Variants in ANO2 observed in about 807,000 individuals in gnomAD.
The protein encoded by ANO2 is anoctamin-2.
A neutral mutation model predicts 124.2 loss-of-function variants in ANO2; 101 were observed. The observed-to-expected ratio is 0.81, with a 90% confidence interval of 0.69 to 0.96. ANO2 has a LOEUF of 0.96. Among genes scored for constraint, ANO2 ranks in the 40% least tolerant of loss-of-function variants. ANO2 has a pLI of 0.00. For missense variants in ANO2, 1,293 were observed against 1,274.5 expected (o/e 1.01, Z -0.22); for synonymous variants, 486 against 482.5 (o/e 1.01, Z -0.09).
intron 7 of ANO2, among the ~76,000 whole-genome samples, chr12:5,819,397 A>T (rs1427969012): frequency 1.3e-5 from 2 of 152,232 alleles, no homozygotes; most frequent in Non-Finnish European, 2.9e-5. Flanking sequence ...GGTGGAAGGA[A>T]CATAGAGTTG....
intron 18 of ANO2, 22 bp downstream of exon 18, chr12:5,612,879 A>T: frequency 6.2e-7 from 1 of 1,613,816 alleles, no homozygotes; most frequent in South Asian, 1.1e-5. Flanking sequence ...GCCAGGCATG[A>T]AACACCAGTG....
rs531791789 is a variant in ANO2, at chr12:5,826,413, C to T, written c.892+1356G>A. Among the ~76,000 whole-genome samples the T allele has an allele frequency of 4.7e-5, 7 of 147,392 alleles. No homozygotes were observed. The South Asian group carries it at 1.5e-3, about 32-fold the overall frequency. On this transcript the variant is annotated intron_variant, in intron 7 of 24. Coordinates refer to ENST00000682330, the MANE Select transcript of ANO2 (RefSeq NM_001364791.2). Reference sequence around the variant, plus strand: ...TGCCAAAGGAGATTAACATTTGAGTCGGTGGGCTAATGCTTAATAAACTCA... The same window carrying T: ...TGCCAAAGGAGATTAACATTTGAGTTGGTGGGCTAATGCTTAATAAACTCA...
rs900609306 is a variant in ANO2, at chr12:5,635,328, A to G, written c.1640T>C (p.Ile547Thr). 3.8e-6 allele frequency: 6 copies of G among 1,581,544 alleles called. No homozygotes were observed. The African/African-American group carries it at 8.2e-5, about 22-fold the overall frequency. ...ILFMIALTFS[I>T]VFGVIVYRIT... ...TCGATACACTATCACCCCAAAGACG[A>G]TTGAGAATGTCAGGGCAATCTGTTT... Residue 547 changes from isoleucine to threonine, a missense_variant, in exon 16 of 25, where the codon ATC (isoleucine) becomes ACC (threonine). Coordinates refer to ENST00000682330, the MANE Select transcript of ANO2 (RefSeq NM_001364791.2). This position sits in a 1 kb window ranked among gnomAD's most constrained non-coding sequence, Gnocchi z 5.2.
chr12:5,807,958 T>A (rs1490885739), intron 7 of ANO2, among the ~76,000 whole-genome samples: 9 of 152,220 alleles, frequency 5.9e-5, no homozygotes, highest in Non-Finnish European at 1.3e-4. Flanking sequence ...CACTAACGGT[T>A]TCTAACTGCT....
At chr12:5,577,910 A>G (rs1942506342) in intron 22 of ANO2, 45 bp downstream of exon 22, 1 of 1,587,890 alleles carries the variant, frequency 6.3e-7, no homozygotes, top group Non-Finnish European at 8.6e-7. Context: ...GCTTCTCTGG[A>G]AGCCCTTCCC....
At chr12:5,772,892 T>C (rs1041411746) in intron 10 of ANO2, among the ~76,000 whole-genome samples, 11 of 152,244 alleles carry the variant, frequency 7.2e-5, no homozygotes, top group African/African-American at 2.7e-4. Context: ...AAACACGTGC[T>C]GTCAAGAAGG....
chr12:5,852,848 C>CGTGTGTGT (rs71445682), intron 4 of ANO2, among the ~76,000 whole-genome samples: 3,063 of 123,888 alleles, frequency 0.025, 60 homozygotes, highest in African/African-American at 0.033. Flanking sequence ...TGGAAAGGGA[C>CGTGTGTGT]GTGTGTGTGT....
intron 1 of ANO2, among the ~76,000 whole-genome samples, chr12:5,923,062 A>G (rs552057670): frequency 5.2e-5 from 6 of 115,732 alleles, no homozygotes; most frequent in African/African-American, 1.9e-4. Context: ...ACACCCACAT[A>G]CACACACACA....
chr12:5,698,973 A>G (rs1283711238), intron 14 of ANO2, among the ~76,000 whole-genome samples: 2 of 152,240 alleles, frequency 1.3e-5, no homozygotes, highest in African/African-American at 4.8e-5. Flanking sequence ...TGATTGGTGT[A>G]CCTGAAAGTG....
intron 14 of ANO2, among the ~76,000 whole-genome samples, chr12:5,710,789 T>G (rs574188329): frequency 4.6e-5 from 7 of 152,164 alleles, no homozygotes; most frequent in Admixed American, 3.3e-4. Flanking sequence ...GTCATGTTCC[T>G]ATCAATTCTG....
chr12:5,751,096 G>A (rs1951424696), intron 10 of ANO2, 126 bp from the exon 11 acceptor site: 1 of 947,982 alleles, frequency 1.1e-6, no homozygotes, highest in Non-Finnish European at 1.5e-6. Context: ...CGAAAACAAA[G>A]GGATGGAGGT....
chr12:5,607,636 G>A lies in ANO2; in HGVS notation c.2087+5020C>T, dbSNP rs185552038. ...CAGGTGAGTGAGTGAAGCTTCATCT[G>A]TATTTATAGCCACTCTCCATCCTCA... On this transcript the variant is annotated intron_variant, in intron 19 of 24. Transcript: ENST00000682330. Among the ~76,000 whole-genome samples the A allele has an allele frequency of 3.0e-3, 459 of 152,206 alleles. 1 individual carries two copies. Among genetic ancestry groups the A allele is most frequent in the Non-Finnish European group, 4.9e-3 (336 of 68,008 alleles).
At chr12:5,687,984 G>C (rs1373659443) in intron 14 of ANO2, among the ~76,000 whole-genome samples, 1 of 152,106 alleles carries the variant, frequency 6.6e-6, no homozygotes, top group South Asian at 2.1e-4. Context: ...ATATTATAAG[G>C]ACTGCTGAAT....
intron 3 of ANO2, among the ~76,000 whole-genome samples, chr12:5,916,360 G>GA (rs1941374367): frequency 6.6e-6 from 1 of 151,810 alleles, no homozygotes; most frequent in East Asian, 1.9e-4. Context: ...AGAGAAAAAA[G>GA]TAAAAAACAG....
intron 20 of ANO2, among the ~76,000 whole-genome samples, chr12:5,592,750 T>A (rs534104487): frequency 6.6e-6 from 1 of 152,136 alleles, no homozygotes; most frequent in East Asian, 1.9e-4. Context: ...CAAATAAGAA[T>A]CCAAAATTCT....
chr12:5,672,542 C>A (rs1948059887), intron 14 of ANO2, among the ~76,000 whole-genome samples: 2 of 152,138 alleles, frequency 1.3e-5, no homozygotes, highest in Non-Finnish European at 2.9e-5. Context: ...AGAGTGTGGA[C>A]CCATGGAGGT....
chr12:5,603,427 T>C (rs952105730), intron 19 of ANO2, among the ~76,000 whole-genome samples: 5 of 152,238 alleles, frequency 3.3e-5, no homozygotes, highest in African/African-American at 1.2e-4. Context: ...GGAAGAGATG[T>C]GTAAACTAAC....
intron 3 of ANO2, among the ~76,000 whole-genome samples, chr12:5,867,677 T>C (rs1044600475): frequency 1.3e-5 from 2 of 151,100 alleles, no homozygotes; most frequent in East Asian, 3.9e-4. Flanking sequence ...CTTAAAGAAC[T>C]TGGATTATGA....
At chr12:5,642,201 C>T (rs1946422392) in intron 15 of ANO2, among the ~76,000 whole-genome samples, 1 of 152,178 alleles carries the variant, frequency 6.6e-6, no homozygotes, top group Admixed American at 6.5e-5. Context: ...CTCATGCTCC[C>T]AAACTTCAGC....
Sources: gnomAD v4.1 joint callset for allele counts (sites outside exome capture counted in the v4.1 genomes callset) on GRCh38, gnomAD v4.1.1 for gene constraint, Gnocchi (gnomAD v3.1) non-coding constraint, MANE v1.5 for transcripts, NCBI Gene and HGNC (gene_info 2026-07-23, HGNC 2026-07-21) for gene names.